DSN1: variants seen among roughly 807,000 people sequenced by gnomAD.
DSN1 encodes kinetochore-associated protein DSN1 homolog.
DSN1 carries 31 observed loss-of-function variants against 45.7 expected under a neutral mutation model. That is an observed-to-expected ratio of 0.68 (90% CI 0.51 to 0.92). DSN1 has a LOEUF of 0.92. Among genes scored for constraint, DSN1 ranks in the 40% least tolerant of loss-of-function variants. DSN1 has a pLI of 0.00. For missense variants in DSN1, 394 were observed against 414.2 expected (o/e 0.95, Z 0.42); for synonymous variants, 134 against 142.3 (o/e 0.94, Z 0.41).
chr20:36,768,748 A>G (rs1229807478), intron 3 of DSN1, among the ~76,000 whole-genome samples: 2 of 152,176 alleles, frequency 1.3e-5, no homozygotes, highest in Non-Finnish European at 2.9e-5. Context: ...CTATAAGAAG[A>G]GTACTATTAT....
rs1987750560 is a variant in DSN1 at position 36,773,389 on chromosome 20, C to G, written c.-16+273G>C. 8 of 985,426 alleles carry G rather than the reference C, an allele frequency of 8.1e-6. No homozygotes were observed. In the South Asian group the frequency reaches 3.3e-4, roughly 40 times the overall value. The allele number at this position is 985,426 out of a possible 1,614,324, so 61.0% of individuals were successfully genotyped here. A position where few individuals can be genotyped will look rare whatever the true frequency, so the allele number is the denominator to read the frequency against. ...TCGAACCCCAGCCCTCTACCCAGTC[C>G]TCACCCCTGTTTCTGGAGCCTAGAC... On this transcript the variant is annotated intron_variant, in intron 1 of 10. Transcript: ENST00000373750.
At chr20:36,771,377 A>C in intron 2 of DSN1, 48 bp downstream of exon 2, 1 of 1,590,366 alleles carries the variant, frequency 6.3e-7, no homozygotes, top group African/African-American at 1.3e-5. Context: ...TATAGCTCAG[A>C]AGCCTGAACC....
intron 5 of DSN1, among the ~76,000 whole-genome samples, chr20:36,765,732 A>G (rs1355066674): frequency 6.7e-6 from 1 of 148,710 alleles, no homozygotes; most frequent in African/African-American, 2.5e-5. Flanking sequence ...CGGGAGGCGG[A>G]GCTTGCAGTG....
rs1986411469 is a variant in DSN1 at position 36,752,086 on chromosome 20, ACT to A, written c.*700_*701del. 1 of 151,744 alleles carries A rather than the reference ACT, an allele frequency of 6.6e-6. No homozygotes were observed. Among genetic ancestry groups the A allele is most frequent in the Non-Finnish European group, 1.5e-5 (1 of 67,976 alleles). 9.4% of individuals were successfully genotyped at this position (151,744 alleles called of 1,614,324 possible). On this transcript the variant is annotated 3_prime_UTR_variant, in exon 11 of 11. Transcript: ENST00000373750. ...TTAATTTTTTTTAAGACAGTGTCTC[ACT>A]CTGTCGCTCAGGCTGGAGTGCAGTG...
At chr20:36,765,526 G>T (rs1224614501) in intron 5 of DSN1, among the ~76,000 whole-genome samples, 1 of 152,090 alleles carries the variant, frequency 6.6e-6, no homozygotes, top group African/African-American at 2.4e-5. Flanking sequence ...CTGCACTCCA[G>T]CCTGGGCAAC....
rs1397563906 is a variant in DSN1 at position 36,773,648 on chromosome 20, C to T, written c.-16+14G>A. On this transcript the variant is annotated intron_variant, in intron 1 of 10. Transcript: ENST00000373750. ...GTGACTTCCTGACGCCCGTCCAGTC[C>T]GGAACCTCCGTACCTGAAACACAAG... The T allele has an allele frequency of 4.1e-6, 4 of 985,642 alleles. No homozygotes were observed. Among genetic ancestry groups the T allele is most frequent in the Non-Finnish European group, 4.8e-6 (4 of 830,084 alleles). 61.1% of individuals were successfully genotyped at this position (985,642 alleles called of 1,614,324 possible).
At chr20:36,756,713 C>T (rs2148259709) in intron 8 of DSN1, among the ~76,000 whole-genome samples, 1 of 152,218 alleles carries the variant, frequency 6.6e-6, no homozygotes, top group South Asian at 2.1e-4. Flanking sequence ...AAGTGACTTG[C>T]CCAAGGTCAC....
rs553777811 is a variant in DSN1 at position 36,768,076 on chromosome 20, G to C, written c.356-34C>G. 346 of 1,608,306 alleles carry C rather than the reference G, an allele frequency of 2.2e-4. 2 individuals carry two copies. The South Asian group carries it at 3.6e-3, about 17-fold the overall frequency. Reference sequence around the variant, plus strand: ...AAACATAGCCACATTTAAGGAGCTGGATAGTTACATAGTTAGCAACTAACA... The same window carrying C: ...AAACATAGCCACATTTAAGGAGCTGCATAGTTACATAGTTAGCAACTAACA... On this transcript the variant is annotated intron_variant, in intron 3 of 10. Coordinates refer to ENST00000373750, the MANE Select transcript of DSN1 (RefSeq NM_001145315.2).
chr20:36,758,295 G>T (rs1986783534), intron 7 of DSN1, 134 bp from the exon 8 acceptor site: 4 of 868,772 alleles, frequency 4.6e-6, no homozygotes, highest in Non-Finnish European at 7.3e-6. Flanking sequence ...GGGTTAGAAA[G>T]CCTGACCAAT....
intron 7 of DSN1, 92 bp from the exon 8 acceptor site, chr20:36,758,253 GGAT>G (rs1568689984): frequency 8.0e-7 from 1 of 1,243,116 alleles, no homozygotes; most frequent in Non-Finnish European, 1.2e-6. Context: ...TGTACAATCT[GGAT>G]GTAAAATGTG....
rs762177442 is a variant in DSN1 at position 36,766,805 on chromosome 20, T to C, written c.466A>G (p.Thr156Ala). Residue 156 changes from threonine (T) to alanine (A), a missense_variant, in exon 5 of 11, where the codon ACT (threonine) becomes GCT (alanine). Coordinates refer to ENST00000373750, the MANE Select transcript of DSN1 (RefSeq NM_001145315.2). ...AAACTTTCAAGACTGAAGCCCTTAGTGTCCCTTAGGAAAGGTTCAAGTTTC... is the reference window on the plus strand; with the variant it reads ...AAACTTTCAAGACTGAAGCCCTTAGCGTCCCTTAGGAAAGGTTCAAGTTTC... ...IQKLEPFLRDTKGFSLESFRA... is the reference protein window; with the variant it reads ...IQKLEPFLRDAKGFSLESFRA... 3.7e-6 allele frequency: 6 copies of C among 1,610,188 alleles called. No homozygotes were observed. Among genetic ancestry groups the C allele is most frequent in the South Asian group, 1.1e-5 (1 of 90,054 alleles).
chr20:36,763,876 ACT>A (rs1183119520), intron 5 of DSN1, among the ~76,000 whole-genome samples: 23 of 98,054 alleles, frequency 2.3e-4, no homozygotes, highest in Non-Finnish European at 4.3e-4. Flanking sequence ...ACAGAGCAAA[ACT>A]CTGTCTCAAA....
Position 36,752,809 on chromosome 20 carries a change from A to G in DSN1, c.1050T>C (p.Ser350=), listed in dbSNP as rs1047452773. ...QLQNPPAIHG[S]GSGSCQ is the part of the protein sequence containing the mutation. ...AAAGTCACTGACAAGATCCAGATCC[A>G]GATCCATGTATGGCAGGTGGGTTCT... Residue 350 remains serine, a synonymous_variant, in exon 11 of 11, where the codon TCT becomes TCC. Transcript: ENST00000373750. 5 of 1,614,114 alleles carry G rather than the reference A, an allele frequency of 3.1e-6. No homozygotes were observed. In the African/African-American group the frequency reaches 6.7e-5, roughly 22 times the overall value.
At chr20:36,764,014 G>GACCA (rs1987176533) in intron 5 of DSN1, among the ~76,000 whole-genome samples, 1 of 150,920 alleles carries the variant, frequency 6.6e-6, no homozygotes, top group Admixed American at 6.6e-5. Flanking sequence ...AGGAGTTCAA[G>GACCA]ACCAGCCTGA....
chr20:36,754,006 CA>C (rs1004399383), intron 10 of DSN1, among the ~76,000 whole-genome samples: 25 of 136,410 alleles, frequency 1.8e-4, no homozygotes, highest in East Asian at 2.1e-4. Context: ...AACTCCGTCT[CA>C]AAAAAAAAAA....
chr20:36,758,812 A>G (rs915870980), intron 6 of DSN1, among the ~76,000 whole-genome samples, 195 bp from the exon 7 acceptor site: 11 of 152,038 alleles, frequency 7.2e-5, no homozygotes, highest in Non-Finnish European at 1.2e-4. Context: ...CTTAGCCTCC[A>G]GAGTAGCTGG....
intron 6 of DSN1, among the ~76,000 whole-genome samples, chr20:36,760,009 C>T (rs1260173970): frequency 1.3e-5 from 2 of 151,626 alleles, no homozygotes; most frequent in African/African-American, 2.4e-5. Flanking sequence ...TCTAGGAGAC[C>T]GAGGCAGGCG....
At chr20:36,753,119 C>T (rs1432252242) in intron 10 of DSN1, among the ~76,000 whole-genome samples, 2 of 148,590 alleles carry the variant, frequency 1.3e-5, no homozygotes, top group Non-Finnish European at 3.0e-5. Flanking sequence ...CAAGGCGGGA[C>T]GATTCCTTGA....
chr20:36,759,362 AC>A (rs1986848177), intron 6 of DSN1, among the ~76,000 whole-genome samples: 1 of 152,152 alleles, frequency 6.6e-6, no homozygotes, highest in Admixed American at 6.5e-5. Context: ...TGATCCTCCC[AC>A]CTTGGTCTCC....
Sources: gnomAD v4.1 joint callset for allele counts (sites outside exome capture counted in the v4.1 genomes callset) on GRCh38, gnomAD v4.1.1 for gene constraint, MANE v1.5 for transcripts, NCBI Gene and HGNC (gene_info 2026-07-23, HGNC 2026-07-21) for gene names.